GPC6: variants seen among roughly 807,000 people sequenced by gnomAD.
GPC6 encodes glypican 6.
A neutral mutation model predicts 55.2 loss-of-function variants in GPC6; 14 were observed. That is an observed-to-expected ratio of 0.25 (90% CI 0.17 to 0.40). GPC6 has a LOEUF of 0.40. Ranked by LOEUF, GPC6 falls within the 10% of genes least tolerant of loss-of-function variation. GPC6 has a pLI of 1.00. For synonymous variants in GPC6, 278 were observed against 259.6 expected, an observed-to-expected ratio of 1.07 and a Z score of -0.68; for missense variants, 641 against 708.5, an observed-to-expected ratio of 0.90 and a Z score of 1.08.
At chr13:93,542,857 TTTTTGTAGATTGA>T (rs1415455858) in intron 1 of GPC6, among the ~76,000 whole-genome samples, 2 of 152,186 alleles carry the variant, frequency 1.3e-5, no homozygotes, top group African/African-American at 4.8e-5. Context: ...ATGCTTGTGA[TTTTTGTAGATTGA>T]TTTTGTATCC....
chr13:93,534,550 A>G (rs1881983154), intron 1 of GPC6, among the ~76,000 whole-genome samples: 1 of 152,150 alleles, frequency 6.6e-6, no homozygotes, highest in African/African-American at 2.4e-5. Context: ...GCCACTCACC[A>G]GGTCTATTCC....
chr13:93,546,382 A>G (rs1874789867), intron 2 of GPC6, among the ~76,000 whole-genome samples: 1 of 152,158 alleles, frequency 6.6e-6, no homozygotes, highest in Admixed American at 6.5e-5. Flanking sequence ...AAAATGTTCC[A>G]TTTTATTGCT....
At chr13:94,236,959 GA>G (rs1890898092) in intron 4 of GPC6, among the ~76,000 whole-genome samples, 2 of 150,684 alleles carry the variant, frequency 1.3e-5, no homozygotes, top group South Asian at 4.2e-4. Context: ...AGTGAAAAAT[GA>G]AACTTGACAA....
chr13:93,669,226 G>T (rs1483724587), intron 2 of GPC6, among the ~76,000 whole-genome samples: 1 of 152,102 alleles, frequency 6.6e-6, no homozygotes, highest in African/African-American at 2.4e-5. Context: ...GGAAAGAAAA[G>T]GCATTGTATT....
At chr13:94,143,415 T>C (rs1025213639) in intron 4 of GPC6, among the ~76,000 whole-genome samples, 2 of 152,204 alleles carry the variant, frequency 1.3e-5, no homozygotes, top group African/African-American at 2.4e-5. Context: ...CTTTCCAAAG[T>C]ATTTGATTTC....
chr13:93,285,451 G>C (rs1277744277), intron 1 of GPC6, among the ~76,000 whole-genome samples: 1 of 152,084 alleles, frequency 6.6e-6, no homozygotes, highest in Non-Finnish European at 1.5e-5. Flanking sequence ...TGATGTCTGT[G>C]CACACTGTAG....
intron 2 of GPC6, among the ~76,000 whole-genome samples, chr13:93,807,701 T>G (rs72643188): frequency 6.6e-6 from 1 of 152,158 alleles, no homozygotes; most frequent in Admixed American, 6.5e-5. Context: ...CAATGCTTGA[T>G]AGAAATACTT....
chr13:93,667,158 A>C (rs541053667), intron 2 of GPC6, among the ~76,000 whole-genome samples: 11 of 152,342 alleles, frequency 7.2e-5, no homozygotes, highest in African/African-American at 2.4e-4. Flanking sequence ...TGTGGCTAAA[A>C]GTAGCTTAAA....
At chr13:93,759,832 G>A (rs1884900261) in intron 2 of GPC6, among the ~76,000 whole-genome samples, 1 of 151,840 alleles carries the variant, frequency 6.6e-6, no homozygotes, top group South Asian at 2.1e-4. Context: ...TGGGGACACA[G>A]GTCTGGAACT....
At chr13:93,916,051 T>C (rs1194900720) in intron 3 of GPC6, among the ~76,000 whole-genome samples, 1 of 151,846 alleles carries the variant, frequency 6.6e-6, no homozygotes, top group East Asian at 2.0e-4. Context: ...AGTCCTTCCC[T>C]AGAAGCCCAG....
upstream of GPC6, among the ~76,000 whole-genome samples, chr13:93,224,149 C>T (rs1196406959): frequency 2.0e-5 from 3 of 150,958 alleles, no homozygotes; most frequent in Non-Finnish European, 4.4e-5. Context: ...CTGCCCGCCT[C>T]GGCCTCCCAA....
chr13:94,100,679 C>G (rs545661139), intron 4 of GPC6, among the ~76,000 whole-genome samples: 6 of 152,222 alleles, frequency 3.9e-5, no homozygotes, highest in African/African-American at 1.4e-4. Context: ...ACTTGCAAGG[C>G]CGGTTAAAAT....
intron 2 of GPC6, among the ~76,000 whole-genome samples, chr13:93,553,309 T>A (rs1875261202): frequency 6.6e-6 from 1 of 152,006 alleles, no homozygotes; most frequent in South Asian, 2.1e-4. Context: ...CTTTTTGTAT[T>A]CTAAGAATAT....
chr13:94,372,974 G>C (rs1373248756), intron 6 of GPC6, among the ~76,000 whole-genome samples: 3 of 152,020 alleles, frequency 2.0e-5, no homozygotes, highest in African/African-American at 7.2e-5. Flanking sequence ...CACACGGCAG[G>C]GTATTCCAAC....
In GPC6 at chr13:93,501,399, C is replaced by G. The variant is rs1383030007; in HGVS notation, c.161-43864C>G. ...AGAAAACTTCCTTCTGTGAAGGAAT[C>G]AGGGCTTGAGGTCCCATACGCTTAT... On this transcript the variant is annotated intron_variant, in intron 1 of 8. Transcript: ENST00000377047. 2.6e-5 allele frequency among the ~76,000 whole-genome samples: 4 copies of G among 152,236 alleles called. No individual in the cohort carries two copies. The East Asian group carries it at 5.8e-4, about 22-fold the overall frequency.
chr13:94,012,776 A>G (rs1366391016), intron 3 of GPC6, among the ~76,000 whole-genome samples: 1 of 152,210 alleles, frequency 6.6e-6, no homozygotes, highest in Non-Finnish European at 1.5e-5. Context: ...GATTCTGTGT[A>G]TTTCAAAGCA....
At chr13:94,375,467 T>G (rs113350028) in intron 6 of GPC6, among the ~76,000 whole-genome samples, 6 of 151,954 alleles carry the variant, frequency 3.9e-5, no homozygotes, top group Admixed American at 6.6e-5. Flanking sequence ...ATAAATTCCT[T>G]GACACATACA....
chr13:93,744,968 A>G (rs1415273608), intron 2 of GPC6, among the ~76,000 whole-genome samples: 1 of 150,846 alleles, frequency 6.6e-6, no homozygotes, highest in Admixed American at 6.6e-5. Context: ...TCTCAAATCC[A>G]TTTCCTTCTC....
rs148865517 is a variant in GPC6, at chr13:94,155,450, C to G, written c.877+127556C>G. 3.3e-4 allele frequency among the ~76,000 whole-genome samples: 50 copies of G among 152,296 alleles called. No individual in the cohort carries two copies. The East Asian group carries it at 9.6e-3, about 29-fold the overall frequency. ...AAGCTTTTGTTAATTTTCACATGAA[C>G]AGTAACCACCTTTCTCTCTGCCTCC... On this transcript the variant is annotated intron_variant, in intron 4 of 8. Transcript: ENST00000377047.
Sources: allele counts gnomAD v4.1 joint callset (sites outside exome capture counted in the v4.1 genomes callset), GRCh38; gene constraint gnomAD v4.1.1; transcripts MANE v1.5; gene names NCBI Gene and HGNC (gene_info 2026-07-23, HGNC 2026-07-21).